The following AOPEP variants were observed in gnomAD, a reference collection of about 807,000 sequenced individuals.
The protein encoded by AOPEP is aminopeptidase O.
In AOPEP, 77 loss-of-function variants were observed where a neutral mutation model predicts 98.1. The ratio of observed to expected loss-of-function variants is 0.78; its 90% confidence interval spans 0.65 to 0.95. AOPEP has a LOEUF of 0.95. AOPEP is among the 40% of genes least tolerant of loss of function. The pLI is 0.00. For missense variants in AOPEP, 1,024 were observed against 1,024.7 expected, an observed-to-expected ratio of 1.00 and a Z score of 0.01; for synonymous variants, 346 against 365.3, an observed-to-expected ratio of 0.95 and a Z score of 0.60.
intron 14 of AOPEP, among the ~76,000 whole-genome samples, chr9:95,066,582 C>T (rs926258264): frequency 3.3e-5 from 5 of 152,098 alleles, no homozygotes; most frequent in African/African-American, 1.2e-4. Flanking sequence ...TTAGAAAAGC[C>T]ACTGGTTGCA....
chr9:95,028,551 A>C (rs1188513970), intron 13 of AOPEP, among the ~76,000 whole-genome samples: 1 of 152,254 alleles, frequency 6.6e-6, no homozygotes, highest in African/African-American at 2.4e-5. Flanking sequence ...TCTGGGAATG[A>C]GTCTGAAGGG....
At chr9:94,917,923 G>C (rs1280440438) in intron 5 of AOPEP, among the ~76,000 whole-genome samples, 1 of 151,882 alleles carries the variant, frequency 6.6e-6, no homozygotes, top group Non-Finnish European at 1.5e-5. Flanking sequence ...TGCTCCCCCA[G>C]CTCCTTTCTC....
intron 13 of AOPEP, among the ~76,000 whole-genome samples, chr9:95,058,849 C>T (rs1031622689): frequency 6.6e-6 from 1 of 152,168 alleles, no homozygotes; most frequent in Non-Finnish European, 1.5e-5. Flanking sequence ...GTTGAAGGCC[C>T]AGCCTCCTGC....
At chr9:94,750,412 T>C (rs748405141) in intron 1 of AOPEP, among the ~76,000 whole-genome samples, 1 of 151,870 alleles carries the variant, frequency 6.6e-6, no homozygotes, top group Non-Finnish European at 1.5e-5. Context: ...GGTGAAACCC[T>C]GTCTCTACTA....
chr9:94,737,516 G>A (rs1348363346), intron 1 of AOPEP, among the ~76,000 whole-genome samples: 1 of 152,124 alleles, frequency 6.6e-6, no homozygotes, highest in Non-Finnish European at 1.5e-5. Context: ...ACCTGTTCAG[G>A]ATATATGGAA....
At chr9:94,963,239 G>T (rs1019366980) in intron 9 of AOPEP, among the ~76,000 whole-genome samples, 1 of 151,946 alleles carries the variant, frequency 6.6e-6, no homozygotes, top group African/African-American at 2.4e-5. Flanking sequence ...GACAGAAATT[G>T]CTAGCCCCAT....
chr9:95,109,016 C>CCAT, the AOPEP span, among the ~76,000 whole-genome samples: 1 of 152,048 alleles, frequency 6.6e-6, no homozygotes, highest in Non-Finnish European at 1.5e-5. Context: ...AGCGATCCTT[C>CCAT]CATCTATCTC....
intron 5 of AOPEP, among the ~76,000 whole-genome samples, chr9:94,848,536 C>T (rs368819903): frequency 8.0e-5 from 12 of 149,778 alleles, no homozygotes; most frequent in East Asian, 6.0e-4. Flanking sequence ...GCAGGAGAAT[C>T]GCTTGAACCC....
intron 5 of AOPEP, among the ~76,000 whole-genome samples, chr9:94,829,829 G>A (rs912028708): frequency 1.3e-5 from 2 of 152,126 alleles, no homozygotes; most frequent in African/African-American, 4.8e-5. Context: ...GGCATTTGGA[G>A]CAATTGGTGG....
chr9:94,746,236 T>C (rs1448950417), intron 1 of AOPEP, among the ~76,000 whole-genome samples: 1 of 152,198 alleles, frequency 6.6e-6, no homozygotes, highest in Non-Finnish European at 1.5e-5. Context: ...CCATGTGACA[T>C]TGATATAAGG....
At chr9:94,826,306 G>A (rs556026905) in intron 5 of AOPEP, among the ~76,000 whole-genome samples, 11 of 152,266 alleles carry the variant, frequency 7.2e-5, no homozygotes, top group South Asian at 2.1e-4. Context: ...ACCAACCATC[G>A]TGAGGCCATG....
intron 10 of AOPEP, 110 bp from the exon 11 acceptor site, chr9:94,979,257 C>A: frequency 1.5e-6 from 1 of 687,862 alleles, no homozygotes; most frequent in Non-Finnish European, 2.6e-6. Context: ...AAAGCACGGG[C>A]ACTTCTGGAA....
chr9:95,111,756 C>A, the AOPEP span: 1 of 1,132,102 alleles, frequency 8.8e-7, no homozygotes, highest in Non-Finnish European at 1.3e-6. Flanking sequence ...CACTGAAGTG[C>A]AACCTGCAAG....
chr9:95,074,812 G>T (rs937715660), intron 14 of AOPEP, among the ~76,000 whole-genome samples: 4 of 152,188 alleles, frequency 2.6e-5, no homozygotes, highest in African/African-American at 4.8e-5. Flanking sequence ...CCAGGCCCAG[G>T]CCGCACCTGC....
intron 5 of AOPEP, among the ~76,000 whole-genome samples, chr9:94,918,626 C>G (rs1402754336): frequency 6.6e-6 from 1 of 152,196 alleles, no homozygotes; most frequent in African/African-American, 2.4e-5. Context: ...GCTAGTCAGT[C>G]TGCCTCTCTG....
intron 7 of AOPEP, among the ~76,000 whole-genome samples, chr9:94,931,437 T>C (rs2055284059): frequency 6.6e-6 from 1 of 152,192 alleles, no homozygotes; most frequent in Non-Finnish European, 1.5e-5. Flanking sequence ...GGAGGAAATG[T>C]TTCCGAACCT....
chr9:94,909,242 T>TA (rs1340157107), intron 5 of AOPEP, among the ~76,000 whole-genome samples: 1 of 151,204 alleles, frequency 6.6e-6, no homozygotes, highest in African/African-American at 2.4e-5. Context: ...AAACATGCTG[T>TA]AGTTAAGGTT....
intron 1 of AOPEP, among the ~76,000 whole-genome samples, chr9:94,739,559 T>C (rs1403492911): frequency 6.6e-6 from 1 of 151,528 alleles, no homozygotes; most frequent in Non-Finnish European, 1.5e-5. Context: ...GCAGGCGAAT[T>C]GCTTGAACCG....
intron 9 of AOPEP, among the ~76,000 whole-genome samples, chr9:94,961,324 G>C (rs929209208): frequency 1.3e-5 from 2 of 151,938 alleles, no homozygotes; most frequent in Admixed American, 6.6e-5. Context: ...TTTATTTTTA[G>C]TCCTAGATTC....
Sources: gnomAD v4.1 joint callset for allele counts (sites outside exome capture counted in the v4.1 genomes callset) on GRCh38, gnomAD v4.1.1 for gene constraint, MANE v1.5 for transcripts, NCBI Gene and HGNC (gene_info 2026-07-23, HGNC 2026-07-21) for gene names.